The following SSH2 variants were observed in gnomAD, a reference collection of about 807,000 sequenced individuals.
SSH2 encodes the protein slingshot protein phosphatase 2.
A neutral mutation model predicts 135.2 loss-of-function variants in SSH2; 37 were observed. The ratio of observed to expected loss-of-function variants is 0.27; its 90% CI spans 0.21 to 0.36. The LOEUF (loss-of-function observed/expected upper bound fraction) is 0.36, where lower values mean the gene tolerates loss of function less well. Among genes scored for constraint, SSH2 ranks in the 10% least tolerant of loss-of-function variants. The probability of loss-of-function intolerance (pLI) is 1.00; values close to 1 mark genes in which losing one functional copy is unlikely to be tolerated. For missense variants in SSH2, 1,408 were observed against 1,765.3 expected, an observed-to-expected ratio of 0.80 and a Z score of 3.63; for synonymous variants, 628 against 646.2, an observed-to-expected ratio of 0.97 and a Z score of 0.43.
intron 3 of SSH2, among the ~76,000 whole-genome samples, chr17:29,734,871 T>C (rs189318223): frequency 6.6e-6 from 1 of 152,164 alleles, no homozygotes; most frequent in Non-Finnish European, 1.5e-5. Context: ...GAGAAAAACA[T>C]TAGCTCACAT....
At chr17:29,914,593 G>A (rs1284289510) in intron 1 of SSH2, among the ~76,000 whole-genome samples, 1 of 148,132 alleles carries the variant, frequency 6.8e-6, no homozygotes, top group Non-Finnish European at 1.5e-5. Context: ...AAACCCCAAA[G>A]AGTATTTCTT....
chr17:29,714,565 T>G (rs1351361245), intron 3 of SSH2, among the ~76,000 whole-genome samples: 1 of 152,172 alleles, frequency 6.6e-6, no homozygotes, highest in African/African-American at 2.4e-5. Flanking sequence ...TCCAATCTTC[T>G]TTCCCCAATT....
Position 29,658,867 on chromosome 17 carries a change from CAAAAAAAAAAAAA to C in SSH2, c.1033-3273_1033-3261del, listed in dbSNP as rs541052752. On this transcript the variant is annotated intron_variant, in intron 11 of 15. Transcript: ENST00000540801. ...GGGCAACAGAAGCGAAACTCCGTCT[CAAAAAAAAAAAAA>C]AAAAAAAAAAAAGTAAACTAAGAGG... Among the ~76,000 whole-genome samples the C allele has an allele frequency of 2.7e-4, 9 of 33,406 alleles. 1 individual carries two copies. In the South Asian group the frequency reaches 7.6e-3, roughly 28 times the overall value. The allele number at this position is 33,406 out of a possible 152,430, so 21.9% of individuals were successfully genotyped here.
intron 2 of SSH2, among the ~76,000 whole-genome samples, chr17:29,825,057 T>A (rs2042720648): frequency 6.6e-6 from 1 of 152,198 alleles, no homozygotes; most frequent in African/African-American, 2.4e-5. Context: ...AATAATTTGA[T>A]GCCCTGAATC....
intron 12 of SSH2, among the ~76,000 whole-genome samples, chr17:29,651,562 T>G (rs1410243827): frequency 4.6e-5 from 7 of 152,248 alleles, no homozygotes; most frequent in Non-Finnish European, 1.5e-5. Context: ...TTATCTTTTC[T>G]TAATGCTGTG....
chr17:29,785,642 G>C (rs1212242326), intron 3 of SSH2, among the ~76,000 whole-genome samples: 1 of 151,530 alleles, frequency 6.6e-6, no homozygotes, highest in East Asian at 1.9e-4. Flanking sequence ...TGGGATTACA[G>C]GAGCGTGCCA....
chr17:29,703,221 T>C (rs1287583416), intron 3 of SSH2, among the ~76,000 whole-genome samples, 159 bp from the exon 4 acceptor site: 3 of 152,168 alleles, frequency 2.0e-5, no homozygotes, highest in Admixed American at 6.5e-5. Context: ...TACTCACTCA[T>C]ACGCTCCTGT....
intron 1 of SSH2, among the ~76,000 whole-genome samples, chr17:29,919,140 A>G (rs2066932078): frequency 6.6e-6 from 1 of 152,160 alleles, no homozygotes; most frequent in Admixed American, 6.5e-5. Flanking sequence ...TTCTACTGTA[A>G]GCTTCCTGAG....
intron 2 of SSH2, among the ~76,000 whole-genome samples, chr17:29,841,054 G>T (rs2151378747): frequency 6.6e-6 from 1 of 152,298 alleles, no homozygotes; most frequent in African/African-American, 2.4e-5. Context: ...TGGTCAAGAA[G>T]TCAGGAAAGT....
intron 1 of SSH2, among the ~76,000 whole-genome samples, chr17:29,891,367 G>C (rs1436540026): frequency 6.6e-6 from 1 of 152,138 alleles, no homozygotes; most frequent in East Asian, 1.9e-4. Flanking sequence ...AACCACATTT[G>C]CTACAAATAG....
At chr17:29,644,018 A>C (rs2150987656) in intron 14 of SSH2, among the ~76,000 whole-genome samples, 1 of 152,374 alleles carries the variant, frequency 6.6e-6, no homozygotes, top group Admixed American at 6.5e-5. Flanking sequence ...AAGGTGGAAC[A>C]GAAAGCTGTA....
At chr17:29,862,020 C>T (rs946978657) in intron 1 of SSH2, among the ~76,000 whole-genome samples, 1 of 152,146 alleles carries the variant, frequency 6.6e-6, no homozygotes, top group Non-Finnish European at 1.5e-5. Context: ...TAATATCAGC[C>T]ACAGAATGTT....
intron 14 of SSH2, among the ~76,000 whole-genome samples, chr17:29,639,363 C>T (rs1252237214): frequency 6.6e-6 from 1 of 152,102 alleles, no homozygotes; most frequent in Non-Finnish European, 1.5e-5. Flanking sequence ...CCATGACTTA[C>T]AAGCTGATGA....
intron 1 of SSH2, among the ~76,000 whole-genome samples, chr17:29,902,635 A>G (rs185888234): frequency 8.5e-4 from 130 of 152,226 alleles, no homozygotes; most frequent in African/African-American, 2.9e-3. Context: ...AGTTTTAACT[A>G]CTCAGTCTCT....
At chr17:29,676,941 T>C in intron 7 of SSH2, 56 bp from the exon 8 acceptor site, 21 of 1,474,096 alleles carry the variant, frequency 1.4e-5, no homozygotes, top group South Asian at 2.3e-5. Context: ...GTTATTTGAA[T>C]TGTGAGTTTT....
intron 9 of SSH2, among the ~76,000 whole-genome samples, chr17:29,668,023 T>C (rs899361785): frequency 6.6e-6 from 1 of 152,264 alleles, no homozygotes; most frequent in Non-Finnish European, 1.5e-5. Context: ...TTTCAGATTA[T>C]GCAGAATTTG....
chr17:29,811,170 A>T (rs890598007), intron 2 of SSH2, among the ~76,000 whole-genome samples: 1 of 151,680 alleles, frequency 6.6e-6, no homozygotes, highest in Non-Finnish European at 1.5e-5. Context: ...TAATTTTTGT[A>T]TTTTTAGTAG....
intron 1 of SSH2, among the ~76,000 whole-genome samples, chr17:29,852,545 A>C (rs564572790): frequency 3.3e-5 from 5 of 151,518 alleles, no homozygotes; most frequent in Middle Eastern, 3.2e-3. Context: ...TGCCTTCTGA[A>C]ACCTGGTAAT....
intron 5 of SSH2, 57 bp downstream of exon 5, chr17:29,695,402 T>G (rs2038684057): frequency 1.5e-6 from 2 of 1,374,180 alleles, no homozygotes; most frequent in Admixed American, 3.7e-5. Context: ...CTGTTCAATT[T>G]TGGCTATCTT....
Sources: allele counts gnomAD v4.1 joint callset (sites outside exome capture counted in the v4.1 genomes callset), GRCh38; gene constraint gnomAD v4.1.1; transcripts MANE v1.5; gene names NCBI Gene and HGNC (gene_info 2026-07-23, HGNC 2026-07-21).